The following CHRNA9 variants were observed in gnomAD, a reference collection of about 807,000 sequenced individuals.
The protein encoded by CHRNA9 is neuronal acetylcholine receptor subunit alpha-9.
In CHRNA9, 24 loss-of-function variants were observed where a neutral mutation model predicts 36.8. That is an observed-to-expected ratio of 0.65 (90% CI 0.47 to 0.92). The LOEUF is 0.92. Among genes scored for constraint, CHRNA9 ranks in the 40% least tolerant of loss-of-function variants. CHRNA9 has a pLI of 0.00. For synonymous variants in CHRNA9, 231 were observed against 231.8 expected (o/e 1.00, Z 0.03); for missense variants, 610 against 601.2 (o/e 1.01, Z -0.15).
At chr4:40,341,864 G>A (rs185952684) in intron 3 of CHRNA9, among the ~76,000 whole-genome samples, 1 of 152,298 alleles carries the variant, frequency 6.6e-6, no homozygotes, top group Admixed American at 6.5e-5. Flanking sequence ...TCAGTCTCCT[G>A]AGTAGCTGGG....
In CHRNA9 at chr4:40,349,069, A is replaced by T; in HGVS notation, c.553A>T (p.Ile185Leu). The T allele has an allele frequency of 2.5e-6, 4 of 1,614,162 alleles. No individual in the cohort carries two copies. Among genetic ancestry groups the T allele is most frequent in the Non-Finnish European group, 3.4e-6 (4 of 1,180,016 alleles). ...GACCTACAATGGCAATCAGGTGGAC[A>T]TATTCAACGCCTTGGACAGCGGAGA... Reference protein sequence around the residue: ...SWTYNGNQVDIFNALDSGDLS... With the variant: ...SWTYNGNQVDLFNALDSGDLS... Residue 185 changes from isoleucine (I) to leucine (L), a missense_variant, in exon 4 of 5, where the codon ATA becomes TTA. Transcript: ENST00000310169.
At position 40,349,353 on chromosome 4, in the gene CHRNA9, G is replaced by A; in HGVS notation, c.837G>A (p.Met279Ile). 6.2e-7 allele frequency: 1 copy of A among 1,614,120 alleles called. No individual in the cohort carries two copies. ...TGGGAGTGACCATCCTGTTGGCCAT[G>A]ACTGTATTTCAGCTAATGGTGGCAG... ...VSLGVTILLA[M>I]TVFQLMVAEI... The change falls in exon 4 of 5, where the codon ATG becomes ATA. Residue 279 changes from methionine (M) to isoleucine (I), a missense_variant. Physicochemically the swap from Met to Ile is conservative, Grantham distance 10. Transcript: ENST00000310169.
At chr4:40,336,427 G>A (rs1712321284) in intron 2 of CHRNA9, among the ~76,000 whole-genome samples, 1 of 152,126 alleles carries the variant, frequency 6.6e-6, no homozygotes, top group Non-Finnish European at 1.5e-5. Context: ...TTGGAAGCCG[G>A]TGCATTGTTC....
Position 40,354,040 on chromosome 4 carries a change from G to T in CHRNA9, c.960G>T (p.Val320=). 1 of 1,614,196 alleles carries T rather than the reference G, an allele frequency of 6.2e-7. No homozygotes were observed. Among genetic ancestry groups the T allele is most frequent in the Non-Finnish European group, 8.5e-7 (1 of 1,180,010 alleles). Residue 320 remains valine (V), a synonymous_variant, in exon 5 of 5, where the codon GTG becomes GTT. Coordinates refer to ENST00000310169, the MANE Select transcript of CHRNA9 (RefSeq NM_017581.4). ...CCTCCACTGCGTTGACCATCATGGT[G>T]ATGAATATCCACTTCTGTGGGGCCG... ...ITASTALTIM[V]MNIHFCGAEA...
At chr4:40,346,048 CAACAAA>C (rs1233307621) in intron 3 of CHRNA9, among the ~76,000 whole-genome samples, 13 of 140,504 alleles carry the variant, frequency 9.3e-5, no homozygotes, top group Non-Finnish European at 1.9e-4. Flanking sequence ...ACAACAACAA[CAACAAA>C]AACCCACAAC....
At chr4:40,340,440 A>G (rs963183135) in intron 3 of CHRNA9, among the ~76,000 whole-genome samples, 1 of 152,198 alleles carries the variant, frequency 6.6e-6, no homozygotes, top group Admixed American at 6.5e-5. Flanking sequence ...GCCTTTAACA[A>G]ATTGAAATGA....
intron 4 of CHRNA9, among the ~76,000 whole-genome samples, chr4:40,353,108 C>T (rs1273855465): frequency 1.3e-5 from 2 of 151,936 alleles, no homozygotes; most frequent in East Asian, 3.9e-4. Context: ...TTGCTGAAGG[C>T]CGAAAGTCCA....
At chr4:40,344,427 G>A (rs965862705) in intron 3 of CHRNA9, among the ~76,000 whole-genome samples, 17 of 151,922 alleles carry the variant, frequency 1.1e-4, no homozygotes, top group African/African-American at 2.9e-4. Flanking sequence ...CCAGCTACTC[G>A]GGAGGCTGAA....
Position 40,337,224 on chromosome 4 carries a change from A to G in CHRNA9, c.225A>G (p.Gln75=). The G allele has an allele frequency of 3.1e-6, 5 of 1,614,172 alleles. No homozygotes were observed. Among genetic ancestry groups the G allele is most frequent in the Non-Finnish European group, 3.4e-6 (4 of 1,180,012 alleles). Residue 75 remains glutamine, a synonymous_variant, in exon 3 of 5, where the codon CAA becomes CAG. Coordinates refer to ENST00000310169, the MANE Select transcript of CHRNA9 (RefSeq NM_017581.4). The part of the protein sequence containing the change: ...SQIKDMDERN[Q]ILTAYLWIRQ... The stretch of plus-strand genomic sequence containing the variant: ...TCATTGTGTAGGATGAAAGAAACCA[A>G]ATTCTGACTGCTTATTTGTGGATCC...
At chr4:40,340,574 T>C (rs935792187) in intron 3 of CHRNA9, among the ~76,000 whole-genome samples, 3 of 152,186 alleles carry the variant, frequency 2.0e-5, no homozygotes, top group Admixed American at 2.0e-4. Context: ...TACAATATCA[T>C]TGCTTCTCAG....
chr4:40,341,529 A>G (rs1317306176), intron 3 of CHRNA9, among the ~76,000 whole-genome samples: 1 of 152,114 alleles, frequency 6.6e-6, no homozygotes, highest in Non-Finnish European at 1.5e-5. Context: ...CTTCATTTGC[A>G]TAGGGTATAA....
intron 2 of CHRNA9, among the ~76,000 whole-genome samples, chr4:40,336,732 G>A (rs1712333299): frequency 6.6e-6 from 1 of 151,936 alleles, no homozygotes; most frequent in Non-Finnish European, 1.5e-5. Context: ...CGCCCGCCTC[G>A]GCCTCCCAAA....
intron 3 of CHRNA9, among the ~76,000 whole-genome samples, chr4:40,344,493 C>T (rs926508382): frequency 6.6e-6 from 1 of 150,556 alleles, no homozygotes; most frequent in Non-Finnish European, 1.5e-5. Flanking sequence ...AAGATGGCAC[C>T]ACTGCACCCC....
chr4:40,335,457 T>A lies in CHRNA9; in HGVS notation c.-11T>A, dbSNP rs375060443. Reference sequence around the variant, plus strand: ...CTGACTGAGACTTTATTATAGAGGCTCAGGAAAAAGATGAACTGGTCCCAT... The same window carrying A: ...CTGACTGAGACTTTATTATAGAGGCACAGGAAAAAGATGAACTGGTCCCAT... On this transcript the variant is annotated 5_prime_UTR_variant, in exon 1 of 5. Transcript: ENST00000310169. The A allele has an allele frequency of 1.9e-6, 3 of 1,609,120 alleles. No homozygotes were observed. The highest frequency in any genetic ancestry group is 1.7e-5 in the Admixed American group (1 of 59,994).
chr4:40,347,878 G>T (rs911926803), intron 3 of CHRNA9: 1 of 152,166 alleles, frequency 6.6e-6, no homozygotes, highest in African/African-American at 2.4e-5. Flanking sequence ...GCATCCAAAT[G>T]TTAACAGAAA....
intron 4 of CHRNA9, chr4:40,349,649 A>G: frequency 2.0e-6 from 1 of 501,060 alleles, no homozygotes; most frequent in South Asian, 3.2e-5. Context: ...GAAAGACATT[A>G]TACTTTAGAG....
intron 4 of CHRNA9, among the ~76,000 whole-genome samples, chr4:40,351,760 C>T (rs908084222): frequency 1.8e-4 from 27 of 152,252 alleles, no homozygotes; most frequent in African/African-American, 6.0e-4. Flanking sequence ...TTCTTTTACT[C>T]GTCAATGTCG....
intron 3 of CHRNA9, among the ~76,000 whole-genome samples, chr4:40,343,605 C>T (rs1330207267): frequency 1.3e-5 from 2 of 152,162 alleles, no homozygotes; most frequent in African/African-American, 2.4e-5. Flanking sequence ...CATATCACTG[C>T]CTGAAGGCCA....
chr4:40,350,334 C>T (rs1027093873), intron 4 of CHRNA9, among the ~76,000 whole-genome samples: 21 of 152,084 alleles, frequency 1.4e-4, no homozygotes, highest in Admixed American at 1.3e-3. Flanking sequence ...GGTTGGAGTG[C>T]AGACTGAGGG....
Sources: allele counts gnomAD v4.1 joint callset (sites outside exome capture counted in the v4.1 genomes callset), GRCh38; gene constraint gnomAD v4.1.1; transcripts MANE v1.5; gene names NCBI Gene and HGNC (gene_info 2026-07-23, HGNC 2026-07-21).